Variants in CLSPN observed in about 807,000 individuals in gnomAD.
The protein encoded by CLSPN is claspin.
In CLSPN, 85 loss-of-function variants were observed where a neutral mutation model predicts 156.3. The ratio of observed to expected loss-of-function variants is 0.54; its 90% CI spans 0.46 to 0.65. The LOEUF (loss-of-function observed/expected upper bound fraction) is 0.65, where lower values mean the gene tolerates loss of function less well. Among genes scored for constraint, CLSPN ranks in the 30% least tolerant of loss-of-function variants. CLSPN has a pLI of 0.00. For synonymous variants in CLSPN, 534 were observed against 542.4 expected (o/e 0.98, Z 0.22); for missense variants, 1,407 against 1,554.9 (o/e 0.90, Z 1.60).
intron 24 of CLSPN, 59 bp from the exon 25 acceptor site, chr1:35,736,665 C>T: frequency 6.5e-7 from 1 of 1,537,766 alleles, no homozygotes; most frequent in East Asian, 2.3e-5. Context: ...TATTTACCTT[C>T]AATTAGCTCT....
At chr1:35,724,513 T>A (rs1641137332) in intron 24 of CLSPN, among the ~76,000 whole-genome samples, 1 of 152,208 alleles carries the variant, frequency 6.6e-6, no homozygotes, top group Non-Finnish European at 1.5e-5. Context: ...AGTTTCCATA[T>A]CAGAACAAAG....
rs1299886801 is a variant in CLSPN at position 35,749,755 on chromosome 1, C to T, written c.2085G>A (p.Met695Ile). The T allele has an allele frequency of 1.9e-6, 3 of 1,613,848 alleles. No homozygotes were observed. Among genetic ancestry groups the T allele is most frequent in the Non-Finnish European group, 1.7e-6 (2 of 1,179,906 alleles). ...TACTGCCATCATTATTTTCTTTATC[C>T]ATTTCTTTTTCATCTTTTGTTTCTA... ...EEIETKDEKEMDKENNDGSSE... is the reference protein window; with the variant it reads ...EEIETKDEKEIDKENNDGSSE... Residue 695 changes from methionine to isoleucine, a missense_variant, in exon 11 of 25, where the codon ATG becomes ATA. Coordinates refer to ENST00000318121, the MANE Select transcript of CLSPN (RefSeq NM_022111.4).
Position 35,763,258 on chromosome 1 carries a change from C to T in CLSPN, c.646G>A (p.Glu216Lys), listed in dbSNP as rs780413946. Residue 216 changes from glutamate to lysine, a missense_variant, in exon 4 of 25, where the codon GAA becomes AAA. Transcript: ENST00000318121. ...GCLLVDKDLFETGLEDENNSP... is the reference protein window; with the variant it reads ...GCLLVDKDLFKTGLEDENNSP... Reference sequence around the variant, plus strand: ...TTATTTTCATCCTCCAACCCAGTTTCAAAAAGGTCTTTATCCACAAGAAGA... The same window carrying T: ...TTATTTTCATCCTCCAACCCAGTTTTAAAAAGGTCTTTATCCACAAGAAGA... 6.2e-7 allele frequency: 1 copy of T among 1,608,666 alleles called. No individual in the cohort carries two copies. The highest frequency in any genetic ancestry group is 8.5e-7 in the Non-Finnish European group (1 of 1,178,500).
chr1:35,731,148 C>T (rs1641306715), downstream of CLSPN, among the ~76,000 whole-genome samples: 2 of 147,508 alleles, frequency 1.4e-5, no homozygotes, highest in Non-Finnish European at 3.0e-5. Flanking sequence ...TGCAGTGAGC[C>T]GAGATCGTAC....
At chr1:35,766,154 C>T (rs935186900) in intron 1 of CLSPN, among the ~76,000 whole-genome samples, 1 of 151,298 alleles carries the variant, frequency 6.6e-6, no homozygotes, top group African/African-American at 2.4e-5. Flanking sequence ...ATCAACACAC[C>T]CAGCTAATTT....
chr1:35,721,930 G>A (rs1317424648), intron 24 of CLSPN, among the ~76,000 whole-genome samples: 3 of 151,850 alleles, frequency 2.0e-5, no homozygotes, highest in Non-Finnish European at 4.4e-5. Flanking sequence ...CTTGAGGCTG[G>A]GAATTCGAGA....
intron 1 of CLSPN, among the ~76,000 whole-genome samples, chr1:35,768,362 C>T (rs1347700863): frequency 3.1e-5 from 3 of 95,972 alleles, no homozygotes; most frequent in East Asian, 2.0e-4. Flanking sequence ...AGCGAGACTC[C>T]GTCTCAAAAA....
Position 35,746,966 on chromosome 1 carries a change from T to A in CLSPN, c.2654A>T (p.Asn885Ile). ...DGFLNVRNHRNQYQALKPRLP... is the reference protein window; with the variant it reads ...DGFLNVRNHRIQYQALKPRLP... ...TCGAGGCTTCAAAGCTTGGTACTGA[T>A]TCCTGTGGTTTCTAACATTTAAGAA... The change falls in exon 15 of 25, where the codon AAT becomes ATT. Residue 885 changes from asparagine to isoleucine, a missense_variant. Asn to Ile is a moderately radical substitution (Grantham distance 149). Coordinates refer to ENST00000318121, the MANE Select transcript of CLSPN (RefSeq NM_022111.4). This position sits in a 1 kb window ranked among gnomAD's most constrained non-coding sequence, Gnocchi z 4.2. The A allele has an allele frequency of 1.2e-6, 2 of 1,614,070 alleles. No homozygotes were observed. The highest frequency in any genetic ancestry group is 8.5e-7 in the Non-Finnish European group (1 of 1,179,936).
intron 8 of CLSPN, among the ~76,000 whole-genome samples, chr1:35,757,556 T>G (rs1642317125): frequency 6.6e-6 from 1 of 152,142 alleles, no homozygotes; most frequent in African/African-American, 2.4e-5. Context: ...GTCTCTTCAT[T>G]TTGCAAAATA....
downstream of CLSPN, among the ~76,000 whole-genome samples, chr1:35,729,285 C>T (rs550285216): frequency 1.4e-4 from 21 of 152,266 alleles, no homozygotes; most frequent in South Asian, 3.9e-3. Flanking sequence ...GCCTCTTCAA[C>T]CCTACATCTA....
At chr1:35,731,356 G>C (rs76908291), downstream of CLSPN, among the ~76,000 whole-genome samples, 5,604 of 152,204 alleles carry the variant, frequency 0.037, 126 homozygotes, top group Non-Finnish European at 0.059. Flanking sequence ...CAGGGAAAGA[G>C]GACACTTTAG....
intron 14 of CLSPN, 101 bp from the exon 15 acceptor site, chr1:35,747,093 CG>C: frequency 1.2e-6 from 1 of 811,816 alleles, no homozygotes; most frequent in East Asian, 2.5e-5. Context: ...GAGGCCGAGG[CG>C]GGCGGATCAC....
rs1205285240 is a variant in CLSPN, at chr1:35,745,439, T to C, written c.2966+12A>G. The stretch of plus-strand genomic sequence containing the variant: ...CCAGGCCTTCCCAAATTCCCAGCAA[T>C]CTGAGACTTACTTGTCTGTGGGAAA... On this transcript the variant is annotated intron_variant, in intron 16 of 24. Coordinates refer to ENST00000318121, the MANE Select transcript of CLSPN (RefSeq NM_022111.4). The C allele has an allele frequency of 1.3e-6, 2 of 1,584,688 alleles. No homozygotes were observed. The highest frequency in any genetic ancestry group is 1.3e-5 in the African/African-American group (1 of 74,330).
chr1:35,722,036 G>A (rs1310493393), intron 24 of CLSPN, among the ~76,000 whole-genome samples: 1 of 151,712 alleles, frequency 6.6e-6, no homozygotes, highest in South Asian at 2.1e-4. Context: ...CTATTCAGGA[G>A]GCTGAAGCAG....
chr1:35,725,991 C>T (rs555788514), intron 24 of CLSPN, among the ~76,000 whole-genome samples: 16 of 151,980 alleles, frequency 1.1e-4, no homozygotes, highest in South Asian at 8.3e-4. Flanking sequence ...GCTTGCCCTT[C>T]CTCTTCCTCG....
chr1:35,762,280 G>A (rs1642506625), intron 5 of CLSPN, 124 bp downstream of exon 5: 4 of 911,088 alleles, frequency 4.4e-6, no homozygotes, highest in Non-Finnish European at 6.8e-6. Context: ...TTCCTACTAT[G>A]TACAAAGCAA....
intron 24 of CLSPN, among the ~76,000 whole-genome samples, chr1:35,726,724 A>G (rs920420815): frequency 6.6e-6 from 1 of 152,154 alleles, no homozygotes; most frequent in East Asian, 1.9e-4. Flanking sequence ...AAACAAATCT[A>G]TTGTGGGTGG....
chr1:35,732,138 A>T lies in CLSPN; in HGVS notation c.*4358T>A. 1.0e-6 allele frequency: 1 copy of T among 983,946 alleles called. No homozygotes were observed. The highest frequency in any genetic ancestry group is 1.2e-6 in the Non-Finnish European group (1 of 828,592). 61.0% of individuals were successfully genotyped at this position (983,946 alleles called of 1,614,324 possible). A position where few individuals can be genotyped will look rare whatever the true frequency, so the allele number is the denominator to read the frequency against. ...GAAAGGTGTAGTGTTATTTATTCAA[A>T]CTGTGGTAGGCACCACTACATTCCA... On this transcript the variant is annotated 3_prime_UTR_variant, in exon 25 of 25. Transcript: ENST00000318121.
intron 2 of CLSPN, among the ~76,000 whole-genome samples, 188 bp from the exon 3 acceptor site, chr1:35,764,902 T>C (rs1642617654): frequency 6.6e-6 from 1 of 152,118 alleles, no homozygotes; most frequent in African/African-American, 2.4e-5. Context: ...CTGGGAAAAA[T>C]GTCTCTTACT....
Sources: gnomAD v4.1 joint callset for allele counts (sites outside exome capture counted in the v4.1 genomes callset) on GRCh38, gnomAD v4.1.1 for gene constraint, Gnocchi (gnomAD v3.1) non-coding constraint, MANE v1.5 for transcripts, NCBI Gene and HGNC (gene_info 2026-07-23, HGNC 2026-07-21) for gene names.